INPP4B: variants seen among roughly 807,000 people sequenced by gnomAD.
INPP4B encodes inositol polyphosphate-4-phosphatase type II B.
In INPP4B, 55 loss-of-function variants were observed where a neutral mutation model predicts 122.5. That is an observed-to-expected ratio of 0.45 (90% CI 0.36 to 0.56). INPP4B has a LOEUF of 0.56. Ranked by LOEUF, INPP4B falls within the 20% of genes least tolerant of loss-of-function variation. The pLI, the probability that INPP4B is intolerant of heterozygous loss-of-function variation, is 0.00. For synonymous variants in INPP4B, 403 were observed against 388.7 expected, an observed-to-expected ratio of 1.04 and a Z score of -0.43; for missense variants, 1,000 against 1,097.7, an observed-to-expected ratio of 0.91 and a Z score of 1.26.
chr4:142,331,681 G>T (rs1234950214), intron 7 of INPP4B, among the ~76,000 whole-genome samples: 1 of 152,146 alleles, frequency 6.6e-6, no homozygotes, highest in Non-Finnish European at 1.5e-5. Context: ...TAAAACCAAT[G>T]GAAACTTTGG....
At chr4:142,415,454 T>C (rs1805501820) in intron 5 of INPP4B, among the ~76,000 whole-genome samples, 1 of 150,400 alleles carries the variant, frequency 6.6e-6, no homozygotes, top group Non-Finnish European at 1.5e-5. Flanking sequence ...ACCACAATGA[T>C]ACCATCTCAC....
At chr4:142,653,691 A>G (rs1753514426) in intron 2 of INPP4B, among the ~76,000 whole-genome samples, 1 of 152,186 alleles carries the variant, frequency 6.6e-6, no homozygotes, top group African/African-American at 2.4e-5. Flanking sequence ...TACCAATTAG[A>G]ATGCCAATCA....
intron 2 of INPP4B, among the ~76,000 whole-genome samples, chr4:142,484,579 C>A (rs981944823): frequency 2.0e-5 from 3 of 151,962 alleles, no homozygotes; most frequent in Admixed American, 2.0e-4. Context: ...TTTTCTGAAA[C>A]AGAACACTTT....
At chr4:142,508,928 G>A (rs1824363880) in intron 2 of INPP4B, among the ~76,000 whole-genome samples, 1 of 152,148 alleles carries the variant, frequency 6.6e-6, no homozygotes, top group Non-Finnish European at 1.5e-5. Context: ...AGCCATGGTT[G>A]GGAAACTCGG....
intron 2 of INPP4B, among the ~76,000 whole-genome samples, chr4:142,486,663 T>A (rs1014433223): frequency 3.3e-5 from 5 of 152,176 alleles, no homozygotes; most frequent in African/African-American, 4.8e-5. Flanking sequence ...GCTTTTTAAG[T>A]CATATGTTAG....
intron 25 of INPP4B, among the ~76,000 whole-genome samples, chr4:142,038,868 A>G (rs952838860): frequency 7.2e-5 from 11 of 152,146 alleles, no homozygotes; most frequent in African/African-American, 2.4e-4. Context: ...ATTTTTTTTC[A>G]TATACTGCAA....
chr4:142,193,794 T>TAAAAAAAA (rs879389998), intron 14 of INPP4B, among the ~76,000 whole-genome samples: 231 of 152,304 alleles, frequency 1.5e-3, no homozygotes, highest in Middle Eastern at 3.4e-3. Flanking sequence ...TGTTTTCTAG[T>TAAAAAAAA]AAGACACTTT....
chr4:142,439,639 C>T (rs1369128842), intron 3 of INPP4B, among the ~76,000 whole-genome samples: 3 of 152,144 alleles, frequency 2.0e-5, no homozygotes, highest in Non-Finnish European at 4.4e-5. Context: ...ATCAATTTTT[C>T]CTCCTATGAA....
At chr4:142,719,516 G>T (rs1027327651) in intron 2 of INPP4B, among the ~76,000 whole-genome samples, 5 of 151,718 alleles carry the variant, frequency 3.3e-5, no homozygotes, top group Non-Finnish European at 5.9e-5. Flanking sequence ...TAAAAATGGG[G>T]TTTCGCGATG....
chr4:142,422,932 C>T lies in INPP4B; in HGVS notation c.136+6241G>A, dbSNP rs185048583. Among the ~76,000 whole-genome samples the T allele has an allele frequency of 2.9e-4, 44 of 152,096 alleles. No homozygotes were observed. In the East Asian group the frequency reaches 7.0e-3, roughly 24 times the overall value. ...GCACAGGCCTTGTTTAATTCTTAGCCGTTGGTTCTCTTATTGCATCCTATG... is the reference window on the plus strand; with the variant it reads ...GCACAGGCCTTGTTTAATTCTTAGCTGTTGGTTCTCTTATTGCATCCTATG... On this transcript the variant is annotated intron_variant, in intron 5 of 25. Coordinates refer to ENST00000262992, the MANE Select transcript of INPP4B (RefSeq NM_001101669.3).
chr4:142,192,215 C>T (rs576006780), intron 15 of INPP4B, among the ~76,000 whole-genome samples: 7 of 151,022 alleles, frequency 4.6e-5, no homozygotes, highest in African/African-American at 1.7e-4. Flanking sequence ...TTAGATACTA[C>T]GCTTATTACT....
intron 12 of INPP4B, among the ~76,000 whole-genome samples, chr4:142,235,829 T>C (rs1856481366): frequency 6.6e-6 from 1 of 152,246 alleles, no homozygotes; most frequent in Non-Finnish European, 1.5e-5. Flanking sequence ...GGGATACATG[T>C]GATATTTTGA....
intron 1 of INPP4B, among the ~76,000 whole-genome samples, chr4:142,843,541 C>A (rs1217629623): frequency 6.6e-6 from 1 of 151,870 alleles, no homozygotes; most frequent in Non-Finnish European, 1.5e-5. Flanking sequence ...CTATTAAAAT[C>A]CCCATAGTTG....
At chr4:142,074,896 C>A (rs922308423) in intron 25 of INPP4B, among the ~76,000 whole-genome samples, 2 of 151,958 alleles carry the variant, frequency 1.3e-5, no homozygotes, top group Non-Finnish European at 2.9e-5. Context: ...TAACTCCTGG[C>A]AACTTACCTA....
intron 2 of INPP4B, among the ~76,000 whole-genome samples, chr4:142,643,003 C>T (rs1260110049): frequency 6.6e-6 from 1 of 152,064 alleles, no homozygotes; most frequent in Non-Finnish European, 1.5e-5. Flanking sequence ...AAGTTGGATT[C>T]CTAGGTATTT....
At chr4:142,296,646 A>G (rs1579639295) in intron 9 of INPP4B, among the ~76,000 whole-genome samples, 1 of 152,252 alleles carries the variant, frequency 6.6e-6, no homozygotes, top group Admixed American at 6.5e-5. Flanking sequence ...CATTTCACAG[A>G]TAAGATAACT....
chr4:142,539,129 A>T (rs914439268), intron 2 of INPP4B, among the ~76,000 whole-genome samples: 1 of 147,904 alleles, frequency 6.8e-6, no homozygotes, highest in Admixed American at 6.9e-5. Context: ...CCCTCTAAGT[A>T]GCAAATTTTT....
intron 1 of INPP4B, among the ~76,000 whole-genome samples, chr4:142,805,431 A>G (rs11946978): frequency 0.036 from 5,498 of 152,330 alleles, 335 homozygotes; most frequent in African/African-American, 0.12. Flanking sequence ...AGAAAGTCCA[A>G]TGAAAAACTA....
chr4:142,604,639 A>AT (rs1580479359), intron 2 of INPP4B, among the ~76,000 whole-genome samples: 1 of 152,120 alleles, frequency 6.6e-6, no homozygotes. Context: ...CTACAAAAAA[A>AT]TACTTGAAAA....
Sources: gnomAD v4.1 joint callset for allele counts (sites outside exome capture counted in the v4.1 genomes callset) on GRCh38, gnomAD v4.1.1 for gene constraint, MANE v1.5 for transcripts, NCBI Gene and HGNC (gene_info 2026-07-23, HGNC 2026-07-21) for gene names.